Variants in PACS1 observed in about 807,000 individuals in gnomAD.
PACS1 encodes PACS-1.
In PACS1, 24 loss-of-function variants were observed where a neutral mutation model predicts 115.0. The ratio of observed to expected loss-of-function variants is 0.21; its 90% CI spans 0.15 to 0.29. The LOEUF (loss-of-function observed/expected upper bound fraction) is 0.29, where lower values mean the gene tolerates loss of function less well. PACS1 is among the 10% of genes least tolerant of loss of function. The probability of loss-of-function intolerance (pLI) is 1.00; values close to 1 mark genes in which losing one functional copy is unlikely to be tolerated. For synonymous variants in PACS1, 453 were observed against 504.5 expected (o/e 0.90, Z 1.37); for missense variants, 838 against 1,251.2 (o/e 0.67, Z 4.98).
chr11:66,233,161 C>A lies in PACS1; in HGVS notation c.1838+95C>A. On this transcript the variant is annotated intron_variant, in intron 15 of 23. Coordinates refer to ENST00000320580, the MANE Select transcript of PACS1 (RefSeq NM_018026.4). The surrounding 1 kb of genome is among the most constrained non-coding windows in gnomAD (Gnocchi z 4.5). ...CTAAGCAATGATAGACCCTCCTGGC[C>A]TCATCAGACCAAGAATTTGCAGAGG... 1.1e-6 allele frequency: 1 copy of A among 911,138 alleles called. No homozygotes were observed. Among genetic ancestry groups the A allele is most frequent in the Non-Finnish European group, 1.7e-6 (1 of 582,770 alleles). The allele number at this position is 911,138 out of a possible 1,614,324, so 56.4% of individuals were successfully genotyped here.
intron 1 of PACS1, among the ~76,000 whole-genome samples, chr11:66,122,830 G>C (rs1217880065): frequency 6.6e-6 from 1 of 152,142 alleles, no homozygotes; most frequent in Non-Finnish European, 1.5e-5. Context: ...ACCTACTCCT[G>C]GTAAAGATGC....
Position 66,116,652 on chromosome 11 carries a change from GCT to G in PACS1, c.356+45811_356+45812del, listed in dbSNP as rs1163187090. On this transcript the variant is annotated intron_variant, in intron 1 of 23. Transcript: ENST00000320580. ...TCACGCCTGTAATCCCAGCACTTTG[GCT>G]GAGGCAGGTGGATTACTTGAGCTCA... 1.2e-4 allele frequency among the ~76,000 whole-genome samples: 19 copies of G among 152,118 alleles called. 1 individual carries two copies. The highest frequency in any genetic ancestry group is 3.9e-4 in the African/African-American group (16 of 41,376).
intron 7 of PACS1, 62 bp downstream of exon 7, chr11:66,216,837 G>A: frequency 8.2e-7 from 1 of 1,223,908 alleles, no homozygotes; most frequent in Non-Finnish European, 1.2e-6. Flanking sequence ...TAGGTTGGCA[G>A]CAGCATATTC....
At chr11:66,191,439 T>G (rs983668432) in intron 1 of PACS1, among the ~76,000 whole-genome samples, 2 of 152,142 alleles carry the variant, frequency 1.3e-5, no homozygotes, top group African/African-American at 4.8e-5. Flanking sequence ...TGGTGGGGGC[T>G]GGGTATTTGG....
chr11:66,113,045 G>A (rs1459800170), intron 1 of PACS1, among the ~76,000 whole-genome samples: 4 of 152,192 alleles, frequency 2.6e-5, no homozygotes, highest in African/African-American at 9.7e-5. Flanking sequence ...AACCCAGGAT[G>A]GGAGAGGGTT....
intron 1 of PACS1, among the ~76,000 whole-genome samples, chr11:66,144,705 C>T (rs921016592): frequency 2.6e-5 from 4 of 152,190 alleles, no homozygotes; most frequent in Non-Finnish European, 5.9e-5. Flanking sequence ...ACAATCTCGG[C>T]TCGCTGCAAC....
intron 2 of PACS1, among the ~76,000 whole-genome samples, chr11:66,195,976 A>G (rs1018857709): frequency 1.3e-4 from 20 of 152,244 alleles, no homozygotes; most frequent in Admixed American, 4.6e-4. Context: ...TGAAAGTACA[A>G]GAGCAACAGT....
At chr11:66,119,642 TGCACAG>T (rs1362893632) in intron 1 of PACS1, among the ~76,000 whole-genome samples, 2 of 152,264 alleles carry the variant, frequency 1.3e-5, no homozygotes, top group Non-Finnish European at 2.9e-5. Flanking sequence ...CGGATCTCAG[TGCACAG>T]GCACAGGCAT....
At chr11:66,088,189 T>C (rs1365022715) in intron 1 of PACS1, among the ~76,000 whole-genome samples, 2 of 151,968 alleles carry the variant, frequency 1.3e-5, no homozygotes, top group Non-Finnish European at 2.9e-5. Context: ...TATTTATTTA[T>C]TTTTATGACG....
At chr11:66,103,513 A>ATTTT (rs556121033) in intron 1 of PACS1, among the ~76,000 whole-genome samples, 6 of 109,146 alleles carry the variant, frequency 5.5e-5, no homozygotes, top group African/African-American at 2.3e-4. Flanking sequence ...TTTGTTTGGA[A>ATTTT]TTTTTTTTTT....
In PACS1 at chr11:66,236,558, G is replaced by A. The variant is rs1040622464; in HGVS notation, c.2250+618G>A. On this transcript the variant is annotated intron_variant, in intron 19 of 23. Coordinates refer to ENST00000320580, the MANE Select transcript of PACS1 (RefSeq NM_018026.4). This position sits in a 1 kb window ranked among gnomAD's most constrained non-coding sequence, Gnocchi z 4.2. The stretch of plus-strand genomic sequence containing the variant: ...ACTTTGAAAGTCAAGGAAGAACCCC[G>A]TGGATGTCTCATGGCAGGTGCATTG... Among the ~76,000 whole-genome samples, 5 of 152,154 alleles carry A rather than the reference G, an allele frequency of 3.3e-5. No individual in the cohort carries two copies. Among genetic ancestry groups the A allele is most frequent in the African/African-American group, 7.2e-5 (3 of 41,438 alleles).
chr11:66,241,359 C>A, intron 21 of PACS1, 68 bp from the exon 22 acceptor site: 1 of 1,244,062 alleles, frequency 8.0e-7, no homozygotes. Context: ...TGGCCCCTAC[C>A]CCATCAGGCC....
Position 66,236,900 on chromosome 11 carries a change from C to A in PACS1, c.2250+960C>A, listed in dbSNP as rs2134745466. Among the ~76,000 whole-genome samples the A allele has an allele frequency of 6.6e-6, 1 of 151,174 alleles. No homozygotes were observed. The highest frequency in any genetic ancestry group is 2.4e-5 in the African/African-American group (1 of 41,130). ...CCTCAGCCTCCTGAGTAGCTGGGAC[C>A]ATAGGTACATGCCACCACGCCTGGC... On this transcript the variant is annotated intron_variant, in intron 19 of 23. Transcript: ENST00000320580. The surrounding 1 kb of genome is among the most constrained non-coding windows in gnomAD (Gnocchi z 4.2).
At chr11:66,199,911 C>G (rs892562894) in intron 2 of PACS1, among the ~76,000 whole-genome samples, 1 of 151,800 alleles carries the variant, frequency 6.6e-6, no homozygotes, top group Non-Finnish European at 1.5e-5. Context: ...CCCAGCTACT[C>G]GGGAGGCTGA....
intron 1 of PACS1, among the ~76,000 whole-genome samples, chr11:66,123,678 C>A (rs964589452): frequency 6.6e-6 from 1 of 151,846 alleles, no homozygotes; most frequent in Non-Finnish European, 1.5e-5. Flanking sequence ...CCTGCCACCG[C>A]GCCCGGCTAA....
intron 4 of PACS1, among the ~76,000 whole-genome samples, chr11:66,212,298 A>AT (rs763631322): frequency 0.049 from 6,873 of 140,710 alleles, 264 homozygotes; most frequent in African/African-American, 0.11. Flanking sequence ...TGCCCAGCTA[A>AT]TTTTTTTTTT....
At chr11:66,220,970 G>T (rs1320305351) in intron 9 of PACS1, among the ~76,000 whole-genome samples, 179 bp downstream of exon 9, 1 of 152,056 alleles carries the variant, frequency 6.6e-6, no homozygotes, top group Non-Finnish European at 1.5e-5. Flanking sequence ...AGTCCTATAG[G>T]ACTCTCAGGA....
At chr11:66,116,921 G>C (rs1183129267) in intron 1 of PACS1, among the ~76,000 whole-genome samples, 7 of 151,644 alleles carry the variant, frequency 4.6e-5, no homozygotes, top group Non-Finnish European at 1.0e-4. Flanking sequence ...TCAGATTCTA[G>C]TTGGGGAGAC....
chr11:66,238,994 C>T, intron 20 of PACS1, 148 bp downstream of exon 20: 4 of 1,383,486 alleles, frequency 2.9e-6, no homozygotes, highest in Non-Finnish European at 4.0e-6. Flanking sequence ...CACTCCCCTG[C>T]TGCGGTGGTG....
Sources: allele counts gnomAD v4.1 joint callset (sites outside exome capture counted in the v4.1 genomes callset), GRCh38; gene constraint gnomAD v4.1.1; non-coding constraint Gnocchi (gnomAD v3.1); transcripts MANE v1.5; gene names NCBI Gene and HGNC (gene_info 2026-07-23, HGNC 2026-07-21).